CAND1: variants seen among roughly 807,000 people sequenced by gnomAD.
CAND1 encodes the protein cullin-associated NEDD8-dissociated protein 1.
Under a neutral mutation model 108.5 loss-of-function variants are expected in CAND1, and 7 were observed. The observed-to-expected ratio is 0.06, with a 90% CI of 0.04 to 0.12. CAND1 has a LOEUF of 0.12. CAND1 is among the 10% of genes least tolerant of loss of function. CAND1 has a pLI of 1.00. For missense variants in CAND1, 941 were observed against 1,448.7 expected (o/e 0.65, Z 5.69); for synonymous variants, 534 against 512.0 (o/e 1.04, Z -0.58).
chr12:67,303,380 T>A (rs995372993), intron 8 of CAND1, among the ~76,000 whole-genome samples: 1 of 152,138 alleles, frequency 6.6e-6, no homozygotes, highest in Non-Finnish European at 1.5e-5. Flanking sequence ...ATAAATACAT[T>A]TTTGTGGTGA....
intron 1 of CAND1, among the ~76,000 whole-genome samples, chr12:67,272,697 T>A (rs555420285): frequency 6.6e-5 from 10 of 151,500 alleles, no homozygotes; most frequent in Non-Finnish European, 1.0e-4. Context: ...GTTGTTTTGG[T>A]TTTTTTTGTT....
intron 4 of CAND1, among the ~76,000 whole-genome samples, chr12:67,295,677 CA>C (rs1282600088): frequency 6.6e-6 from 1 of 152,102 alleles, no homozygotes; most frequent in Non-Finnish European, 1.5e-5. Flanking sequence ...AAGGACCTGT[CA>C]ATTTCTGATT....
At chr12:67,273,586 T>C (rs539392098) in intron 1 of CAND1, among the ~76,000 whole-genome samples, 1 of 151,604 alleles carries the variant, frequency 6.6e-6, no homozygotes, top group African/African-American at 2.4e-5. Flanking sequence ...GCTCAAGCGA[T>C]TTTCTTCCCA....
intron 1 of CAND1, among the ~76,000 whole-genome samples, chr12:67,271,992 A>T (rs1332153878): frequency 6.6e-6 from 1 of 152,214 alleles, no homozygotes; most frequent in African/African-American, 2.4e-5. Context: ...TATTTTTAGT[A>T]TAGGCATTTA....
Position 67,302,636 on chromosome 12 carries a change from T to C in CAND1, c.1293+21T>C, listed in dbSNP as rs1435633584. The C allele has an allele frequency of 3.1e-6, 5 of 1,587,822 alleles. No homozygotes were observed. In the African/African-American group the frequency reaches 4.1e-5, roughly 13 times the overall value. On this transcript the variant is annotated intron_variant, in intron 8 of 14. Transcript: ENST00000545606. ...GTCAGGTGGGTTTTAAAGTAAAGTT[T>C]AGAAAATCATGATAGTAAATGCAAT...
chr12:67,296,374 G>A (rs2044769836), intron 4 of CAND1, among the ~76,000 whole-genome samples: 1 of 152,026 alleles, frequency 6.6e-6, no homozygotes, highest in Non-Finnish European at 1.5e-5. Context: ...TTTTAGTGTT[G>A]TGAATCCCCC....
At chr12:67,302,039 A>G (rs574242141) in intron 7 of CAND1, among the ~76,000 whole-genome samples, 2 of 152,320 alleles carry the variant, frequency 1.3e-5, no homozygotes, top group South Asian at 4.1e-4. Flanking sequence ...TGATGATTTT[A>G]AAGGGTTAAA....
Position 67,297,605 on chromosome 12 carries a change from A to G in CAND1, c.690A>G (p.Thr230=). Residue 230 remains threonine, a synonymous_variant, in exon 5 of 15, where the codon ACA becomes ACG. Coordinates refer to ENST00000545606, the MANE Select transcript of CAND1 (RefSeq NM_018448.5). ...TGTCCAAAAATGATTCTATGTCAAC[A>G]ACAAGAACCTACATACAATGTATTG... ...SELSKNDSMS[T]TRTYIQCIAA... The G allele has an allele frequency of 1.9e-6, 3 of 1,614,086 alleles. No homozygotes were observed. Among genetic ancestry groups the G allele is most frequent in the Non-Finnish European group, 2.5e-6 (3 of 1,179,958 alleles).
chr12:67,279,985 C>T (rs1375238435), intron 1 of CAND1, among the ~76,000 whole-genome samples: 1 of 152,120 alleles, frequency 6.6e-6, no homozygotes, highest in African/African-American at 2.4e-5. Context: ...GGAGTGCCTG[C>T]ATTAATGTGT....
chr12:67,307,554 G>T, intron 11 of CAND1, 62 bp downstream of exon 11: 1 of 1,002,672 alleles, frequency 1.0e-6, no homozygotes, highest in South Asian at 1.4e-5. Context: ...AGAAACTCTT[G>T]AACTTAGTAA....
rs758612639 is a variant in CAND1 at position 67,317,941 on chromosome 12, A to G, written c.*5111A>G. ...TTTTTCCTGTCTCTTTGCTGATGGC[A>G]TCCCATTTACCCAGTCATTCAAACT... On this transcript the variant is annotated 3_prime_UTR_variant, in exon 15 of 15. Coordinates refer to ENST00000545606, the MANE Select transcript of CAND1 (RefSeq NM_018448.5). The G allele has an allele frequency of 1.1e-4, 17 of 152,268 alleles. No homozygotes were observed. Among genetic ancestry groups the G allele is most frequent in the Non-Finnish European group, 2.2e-4 (15 of 68,102 alleles). The allele number at this position is 152,268 out of a possible 1,614,324, so 9.4% of individuals were successfully genotyped here. A position where few individuals can be genotyped will look rare whatever the true frequency, so the allele number is the denominator to read the frequency against.
intron 1 of CAND1, among the ~76,000 whole-genome samples, chr12:67,274,432 A>G (rs2044550941): frequency 6.6e-6 from 1 of 152,240 alleles, no homozygotes; most frequent in Non-Finnish European, 1.5e-5. Context: ...ACAAAACTTC[A>G]CTGGGGAAGA....
At chr12:67,270,176 C>A in intron 1 of CAND1, 1 of 182,484 alleles carries the variant, frequency 5.5e-6, no homozygotes, top group Non-Finnish European at 1.1e-5. Flanking sequence ...ATTCGCTTGC[C>A]ATCCTGCGGC....
At chr12:67,279,334 A>C (rs2044598946) in intron 1 of CAND1, among the ~76,000 whole-genome samples, 1 of 152,190 alleles carries the variant, frequency 6.6e-6, no homozygotes, top group Non-Finnish European at 1.5e-5. Flanking sequence ...CTGTGCCCTT[A>C]GCACCATACC....
chr12:67,272,609 TAGG>T (rs2044530928), intron 1 of CAND1, among the ~76,000 whole-genome samples: 1 of 151,394 alleles, frequency 6.6e-6, no homozygotes, highest in African/African-American at 2.5e-5. Flanking sequence ...TATTAAGACT[TAGG>T]AGAAATGGGG....
At chr12:67,304,085 G>T (rs1459135631) in intron 8 of CAND1, among the ~76,000 whole-genome samples, 9 of 151,448 alleles carry the variant, frequency 5.9e-5, no homozygotes, top group African/African-American at 2.2e-4. Context: ...CGCCTCCTGG[G>T]TTCAAGCGAT....
intron 1 of CAND1, 58 bp from the exon 2 acceptor site, chr12:67,281,852 A>G (rs2135994986): frequency 8.0e-7 from 1 of 1,251,932 alleles, no homozygotes; most frequent in Non-Finnish European, 1.1e-6. Flanking sequence ...AAAAATCATT[A>G]TCTTTTTAAA....
intron 2 of CAND1, among the ~76,000 whole-genome samples, chr12:67,288,281 A>G (rs1322304410): frequency 6.6e-6 from 1 of 151,712 alleles, no homozygotes; most frequent in African/African-American, 2.4e-5. Context: ...GGCGCACACC[A>G]TCTCACTTGG....
intron 8 of CAND1, among the ~76,000 whole-genome samples, chr12:67,302,959 T>A (rs1315603334): frequency 6.6e-6 from 1 of 152,220 alleles, no homozygotes; most frequent in African/African-American, 2.4e-5. Flanking sequence ...GGGCAAGTTA[T>A]TTAGTCATTT....
Sources: allele counts gnomAD v4.1 joint callset (sites outside exome capture counted in the v4.1 genomes callset), GRCh38; gene constraint gnomAD v4.1.1; transcripts MANE v1.5; gene names NCBI Gene and HGNC (gene_info 2026-07-23, HGNC 2026-07-21).